The following KCNMA1 variants were observed in gnomAD, a reference collection of about 807,000 sequenced individuals.
KCNMA1 encodes the protein potassium calcium-activated channel subfamily M alpha 1, also known as Calcium-activated potassium channel subunit alpha-1.
In KCNMA1, 29 loss-of-function variants were observed where a neutral mutation model predicts 140.0. The ratio of observed to expected loss-of-function variants is 0.21; its 90% CI spans 0.15 to 0.28. The LOEUF is 0.28. Ranked by LOEUF, KCNMA1 falls within the 10% of genes least tolerant of loss-of-function variation. The pLI is 1.00. For synonymous variants in KCNMA1, 612 were observed against 611.9 expected (o/e 1.00, Z 0.00); for missense variants, 880 against 1,602.2 (o/e 0.55, Z 7.70).
At chr10:77,102,604 A>G (rs2153830425) in intron 9 of KCNMA1, among the ~76,000 whole-genome samples, 1 of 152,328 alleles carries the variant, frequency 6.6e-6, no homozygotes, top group South Asian at 2.1e-4. Context: ...CTGAAGACCT[A>G]TGTTTGCAAG....
chr10:76,933,839 T>C (rs1325352701), intron 23 of KCNMA1, among the ~76,000 whole-genome samples: 1 of 152,214 alleles, frequency 6.6e-6, no homozygotes, highest in Non-Finnish European at 1.5e-5. Flanking sequence ...TGAAGTATAA[T>C]TGAAGCATTT....
rs145661001 is a variant in KCNMA1 at position 77,360,152 on chromosome 10, A to T, written c.540+43710T>A. Among the ~76,000 whole-genome samples, 1,063 of 152,330 alleles carry T rather than the reference A, an allele frequency of 7.0e-3. 14 individuals carry two copies. Among genetic ancestry groups the T allele is most frequent in the African/African-American group, 0.024 (1,012 of 41,576 alleles). On this transcript the variant is annotated intron_variant, in intron 2 of 27. Coordinates refer to ENST00000286628, the MANE Select transcript of KCNMA1 (RefSeq NM_001161352.2). Reference sequence around the variant, plus strand: ...GAAGAGCCCATCCCAGGCTTGAATGAGTGCACATTCTTGTCTTGGAGAAAA... The same window carrying T: ...GAAGAGCCCATCCCAGGCTTGAATGTGTGCACATTCTTGTCTTGGAGAAAA...
chr10:77,442,252 A>G (rs1369491600), intron 1 of KCNMA1, among the ~76,000 whole-genome samples: 1 of 152,090 alleles, frequency 6.6e-6, no homozygotes, highest in Non-Finnish European at 1.5e-5. Context: ...ACCTGGAGGA[A>G]TGGACTCCTC....
intron 3 of KCNMA1, among the ~76,000 whole-genome samples, chr10:77,239,029 C>T (rs1033102593): frequency 8.5e-5 from 13 of 152,158 alleles, no homozygotes; most frequent in Non-Finnish European, 1.8e-4. Flanking sequence ...CCAAATGCAC[C>T]CTCCTTGTCT....
At chr10:76,995,911 C>A (rs2084157926) in intron 19 of KCNMA1, among the ~76,000 whole-genome samples, 1 of 152,158 alleles carries the variant, frequency 6.6e-6, no homozygotes, top group African/African-American at 2.4e-5. Context: ...CTCATTCTGA[C>A]CTTTCTCCTT....
At chr10:77,017,490 AT>A (rs1409681543) in intron 17 of KCNMA1, among the ~76,000 whole-genome samples, 1 of 152,146 alleles carries the variant, frequency 6.6e-6, no homozygotes, top group Non-Finnish European at 1.5e-5. Context: ...GTAGGGAGGT[AT>A]TTTTCCCCCA....
chr10:76,968,042 A>G (rs2074631705), intron 20 of KCNMA1, among the ~76,000 whole-genome samples: 1 of 152,096 alleles, frequency 6.6e-6, no homozygotes. Flanking sequence ...TAAAAACCAT[A>G]CTTGATACGA....
At chr10:76,937,336 G>A (rs561966124) in intron 23 of KCNMA1, among the ~76,000 whole-genome samples, 142 of 152,240 alleles carry the variant, frequency 9.3e-4, no homozygotes, top group African/African-American at 2.6e-3. Context: ...CATTCTGGCC[G>A]TCCTCTTTAC....
rs1326454216 is a variant in KCNMA1 at position 77,025,240 on chromosome 10, GTGTATATATATATATATATATATA to G, written c.1928+2559_1928+2582del. ...GTACTCTAGTTGGAGAGGGGTGTGT[GTGTATATATATATATATATATATA>G]TATATATATATATATATACACACAC... On this transcript the variant is annotated intron_variant, in intron 16 of 27. Coordinates refer to ENST00000286628, the MANE Select transcript of KCNMA1 (RefSeq NM_001161352.2). Among the ~76,000 whole-genome samples, 18 of 65,376 alleles carry G rather than the reference GTGTATATATATATATATATATATA, an allele frequency of 2.8e-4. 2 individuals carry two copies. Among genetic ancestry groups the G allele is most frequent in the Admixed American group, 8.6e-4 (4 of 4,676 alleles). The allele number at this position is 65,376 out of a possible 152,430, so 42.9% of individuals were successfully genotyped here.
intron 3 of KCNMA1, among the ~76,000 whole-genome samples, chr10:77,196,454 TA>T (rs201955552): frequency 0.014 from 2,147 of 152,304 alleles, 30 homozygotes; most frequent in South Asian, 0.058. Flanking sequence ...GTACTGTAAT[TA>T]CATTTAAGCT....
intron 14 of KCNMA1, among the ~76,000 whole-genome samples, chr10:77,065,131 G>A (rs1275147766): frequency 2.0e-5 from 3 of 152,136 alleles, no homozygotes; most frequent in South Asian, 4.1e-4. Context: ...CCACAAACAC[G>A]TATTGAGTAG....
At chr10:77,315,057 C>T (rs190834499) in intron 2 of KCNMA1, among the ~76,000 whole-genome samples, 3 of 151,912 alleles carry the variant, frequency 2.0e-5, no homozygotes, top group East Asian at 3.9e-4. Flanking sequence ...TGGTGATGAC[C>T]CATTAAATAG....
At chr10:77,025,998 A>AATATAT (rs34726010) in intron 16 of KCNMA1, among the ~76,000 whole-genome samples, 32 of 139,932 alleles carry the variant, frequency 2.3e-4, no homozygotes, top group East Asian at 4.1e-4. Flanking sequence ...AGAAAAAAAA[A>AATATAT]ATATATATAT....
At chr10:77,123,179 C>A (rs1596444360) in intron 5 of KCNMA1, among the ~76,000 whole-genome samples, 1 of 59,646 alleles carries the variant, frequency 1.7e-5, no homozygotes. Context: ...GACTCCGTCT[C>A]AAAAAAAAAA....
At position 77,015,272 on chromosome 10, in the gene KCNMA1, G is replaced by A. The variant is rs545222379; in HGVS notation, c.2016-3229C>T. ...GATGAGGTCACCACCTTGACCCCCCGGGTGCCCTCCTGTACAGGTCTATGA... is the reference window on the plus strand; with the variant it reads ...GATGAGGTCACCACCTTGACCCCCCAGGTGCCCTCCTGTACAGGTCTATGA... On this transcript the variant is annotated intron_variant, in intron 17 of 27. Coordinates refer to ENST00000286628, the MANE Select transcript of KCNMA1 (RefSeq NM_001161352.2). Among the ~76,000 whole-genome samples the A allele has an allele frequency of 2.2e-4, 34 of 152,116 alleles. No individual in the cohort carries two copies. The South Asian group carries it at 5.4e-3, about 24-fold the overall frequency.
At chr10:77,337,068 T>G (rs546638129) in intron 2 of KCNMA1, among the ~76,000 whole-genome samples, 1 of 152,334 alleles carries the variant, frequency 6.6e-6, no homozygotes, top group East Asian at 1.9e-4. Flanking sequence ...ATGCTCAGGA[T>G]GTTCCAGAAC....
intron 1 of KCNMA1, among the ~76,000 whole-genome samples, chr10:77,612,497 T>C (rs1043405225): frequency 6.6e-6 from 1 of 152,198 alleles, no homozygotes; most frequent in Non-Finnish European, 1.5e-5. Context: ...TTCATTGCGC[T>C]CCATTTCCTC....
At chr10:77,263,195 C>T (rs1214966171) in intron 2 of KCNMA1, among the ~76,000 whole-genome samples, 3 of 152,034 alleles carry the variant, frequency 2.0e-5, no homozygotes, top group Non-Finnish European at 4.4e-5. Context: ...ATTGATCTTA[C>T]CCCCTAGGAT....
In KCNMA1 at chr10:77,538,506, T is replaced by C. The variant is rs565751173; in HGVS notation, c.378+98759A>G. 1.8e-3 allele frequency among the ~76,000 whole-genome samples: 277 copies of C among 152,272 alleles called. 1 individual carries two copies. Among genetic ancestry groups the C allele is most frequent in the Middle Eastern group, 0.017 (5 of 294 alleles). On this transcript the variant is annotated intron_variant, in intron 1 of 27. Transcript: ENST00000286628. ...CAGCTGGACTTCTGAGTCAACCAGATCTGAGTTAGAATCCCAGCTCCACAG... is the reference window on the plus strand; with the variant it reads ...CAGCTGGACTTCTGAGTCAACCAGACCTGAGTTAGAATCCCAGCTCCACAG...
Sources: gnomAD v4.1 joint callset for allele counts (sites outside exome capture counted in the v4.1 genomes callset) on GRCh38, gnomAD v4.1.1 for gene constraint, MANE v1.5 for transcripts, NCBI Gene and HGNC (gene_info 2026-07-23, HGNC 2026-07-21) for gene names.